Variants in B3GALT1 observed in about 807,000 individuals in gnomAD.
B3GALT1 encodes beta-1,3-galactosyltransferase 1, also known as UDP-Gal:betaGlcNAc beta 1,3-galactosyltransferase, polypeptide 1.
A neutral mutation model predicts 23.2 loss-of-function variants in B3GALT1; 10 were observed. The ratio of observed to expected loss-of-function variants is 0.43; its 90% CI spans 0.27 to 0.73. The LOEUF (loss-of-function observed/expected upper bound fraction) is 0.73, where lower values mean the gene tolerates loss of function less well. Among genes scored for constraint, B3GALT1 ranks in the 30% least tolerant of loss-of-function variants. The pLI, the probability that B3GALT1 is intolerant of heterozygous loss-of-function variation, is 0.21. For missense variants in B3GALT1, 299 were observed against 405.4 expected (o/e 0.74, Z 2.25); for synonymous variants, 156 against 141.5 (o/e 1.10, Z -0.73).
At chr2:167,792,398 CA>C (rs1431644452) in intron 3 of B3GALT1, among the ~76,000 whole-genome samples, 1 of 152,164 alleles carries the variant, frequency 6.6e-6, no homozygotes, top group Non-Finnish European at 1.5e-5. Flanking sequence ...GAATTACAAA[CA>C]AATACCAAGG....
At chr2:167,447,077 A>C (rs1038703503) in intron 1 of B3GALT1, among the ~76,000 whole-genome samples, 3 of 152,142 alleles carry the variant, frequency 2.0e-5, no homozygotes, top group African/African-American at 7.2e-5. Flanking sequence ...TTTTCCTTCT[A>C]ACAGTCAGGA....
intron 1 of B3GALT1, among the ~76,000 whole-genome samples, chr2:167,427,741 C>T (rs890939395): frequency 6.6e-6 from 1 of 152,088 alleles, no homozygotes; most frequent in Non-Finnish European, 1.5e-5. Context: ...GCTATGTTGC[C>T]CAGGCCGGTC....
chr2:167,488,993 G>T (rs954908950), intron 1 of B3GALT1, among the ~76,000 whole-genome samples: 3 of 151,784 alleles, frequency 2.0e-5, no homozygotes, highest in African/African-American at 7.3e-5. Context: ...AAAATACTTT[G>T]TGTCTCCTTG....
intron 3 of B3GALT1, among the ~76,000 whole-genome samples, chr2:167,711,878 GGATTGCTTCAGCT>G (rs369100074): frequency 1.3e-5 from 2 of 152,272 alleles, no homozygotes; most frequent in South Asian, 2.1e-4. Flanking sequence ...TGAGGTGGCA[GGATTGCTTCAGCT>G]GGGGAGGTGG....
intron 3 of B3GALT1, among the ~76,000 whole-genome samples, chr2:167,818,221 T>TA (rs111836255): frequency 2.6e-5 from 4 of 152,232 alleles, no homozygotes; most frequent in African/African-American, 4.8e-5. Context: ...ATTTCACATT[T>TA]AAAAAATCTA....
chr2:167,818,631 C>T (rs975911897), intron 3 of B3GALT1, among the ~76,000 whole-genome samples, 41 bp from the exon 4 acceptor site: 4 of 152,058 alleles, frequency 2.6e-5, no homozygotes, highest in African/African-American at 9.6e-5. Context: ...AATTCATTTC[C>T]GTTATTTCTA....
At chr2:167,707,704 T>C (rs1182897067) in intron 3 of B3GALT1, among the ~76,000 whole-genome samples, 1 of 152,148 alleles carries the variant, frequency 6.6e-6, no homozygotes, top group Non-Finnish European at 1.5e-5. Context: ...TAAGGTCAGC[T>C]GATTAGCAAC....
intron 3 of B3GALT1, among the ~76,000 whole-genome samples, chr2:167,743,028 T>C (rs972245578): frequency 2.0e-5 from 3 of 152,188 alleles, no homozygotes; most frequent in African/African-American, 7.2e-5. Context: ...ATACTACATA[T>C]AGCCTTCATG....
chr2:167,380,019 G>T (rs566874559), intron 1 of B3GALT1, among the ~76,000 whole-genome samples: 15 of 152,196 alleles, frequency 9.9e-5, no homozygotes, highest in Non-Finnish European at 2.1e-4. Flanking sequence ...TTCTCTGAAT[G>T]CCTGAAGATC....
intron 1 of B3GALT1, among the ~76,000 whole-genome samples, chr2:167,341,697 T>C (rs1361402921): frequency 2.0e-5 from 3 of 152,128 alleles, no homozygotes; most frequent in African/African-American, 7.2e-5. Flanking sequence ...CAGCCTTTTC[T>C]CTTACAAATG....
intron 1 of B3GALT1, among the ~76,000 whole-genome samples, chr2:167,412,813 A>T (rs978710959): frequency 6.6e-6 from 1 of 152,142 alleles, no homozygotes; most frequent in Non-Finnish European, 1.5e-5. Flanking sequence ...CTAGAACTGG[A>T]AATAGCTATA....
chr2:167,834,717 C>T (rs1003820025), intron 4 of B3GALT1, among the ~76,000 whole-genome samples: 1 of 152,094 alleles, frequency 6.6e-6, no homozygotes, highest in Non-Finnish European at 1.5e-5. Flanking sequence ...GGCACAGTGC[C>T]ACACACCCGT....
chr2:167,867,072 A>T (rs191019180), intron 4 of B3GALT1, among the ~76,000 whole-genome samples: 2 of 149,400 alleles, frequency 1.3e-5, no homozygotes, highest in Non-Finnish European at 3.0e-5. Context: ...GACTACAGGC[A>T]CCCGCCACTA....
At chr2:167,384,592 T>G (rs935675829) in intron 1 of B3GALT1, among the ~76,000 whole-genome samples, 4 of 152,130 alleles carry the variant, frequency 2.6e-5, no homozygotes, top group African/African-American at 9.7e-5. Flanking sequence ...CTCCTCTCCC[T>G]TCCCTCATGC....
At chr2:167,601,910 A>G (rs1275265656) in intron 2 of B3GALT1, among the ~76,000 whole-genome samples, 1 of 152,218 alleles carries the variant, frequency 6.6e-6, no homozygotes, top group Non-Finnish European at 1.5e-5. Context: ...TGAATACTTA[A>G]TACTCTACAT....
Position 167,303,682 on chromosome 2 carries a change from C to CACACACACACAG in B3GALT1, c.-511+10349_-511+10350insCACACACACAGA, listed in dbSNP as rs535369991. Among the ~76,000 whole-genome samples, 12 of 148,834 alleles carry CACACACACACAG rather than the reference C, an allele frequency of 8.1e-5. No homozygotes were observed. In the East Asian group the frequency reaches 1.4e-3, roughly 18 times the overall value. On this transcript the variant is annotated intron_variant, in intron 1 of 4. Coordinates refer to ENST00000392690, the MANE Select transcript of B3GALT1 (RefSeq NM_020981.4). ...ACACACACACACACACACACACACA[C>CACACACACACAG]AGAGAGAGACCTTGTTGCTGCCATT...
At chr2:167,544,907 G>T (rs1158382432) in intron 2 of B3GALT1, among the ~76,000 whole-genome samples, 1 of 151,866 alleles carries the variant, frequency 6.6e-6, no homozygotes, top group Non-Finnish European at 1.5e-5. Context: ...AGAGAAACGC[G>T]CATGTACCCA....
chr2:167,404,622 A>G (rs1698246023), intron 1 of B3GALT1, among the ~76,000 whole-genome samples: 1 of 152,176 alleles, frequency 6.6e-6, no homozygotes, highest in South Asian at 2.1e-4. Context: ...CTATAATGTA[A>G]GTCCTCTTTT....
At chr2:167,492,189 T>C (rs1350927354) in intron 2 of B3GALT1, among the ~76,000 whole-genome samples, 1 of 152,168 alleles carries the variant, frequency 6.6e-6, no homozygotes, top group African/African-American at 2.4e-5. Flanking sequence ...ACTCCCTCCA[T>C]AGTTTGACCT....
Sources: allele counts gnomAD v4.1 joint callset (sites outside exome capture counted in the v4.1 genomes callset), GRCh38; gene constraint gnomAD v4.1.1; transcripts MANE v1.5; gene names NCBI Gene and HGNC (gene_info 2026-07-23, HGNC 2026-07-21).